CLSPN: variants seen among roughly 807,000 people sequenced by gnomAD.
CLSPN encodes the protein claspin, also known as claspin homolog.
Under a neutral mutation model 156.3 loss-of-function variants are expected in CLSPN, and 85 were observed. The ratio of observed to expected loss-of-function variants is 0.54; its 90% CI spans 0.46 to 0.65. The LOEUF (loss-of-function observed/expected upper bound fraction) is 0.65. Ranked by LOEUF, CLSPN falls within the 30% of genes least tolerant of loss-of-function variation. The pLI is 0.00. For missense variants in CLSPN, 1,407 were observed against 1,554.9 expected, an observed-to-expected ratio of 0.90 and a Z score of 1.60; for synonymous variants, 534 against 542.4, an observed-to-expected ratio of 0.98 and a Z score of 0.22.
intron 24 of CLSPN, 64 bp downstream of exon 24, chr1:35,736,850 A>T: frequency 6.5e-7 from 1 of 1,544,856 alleles, no homozygotes; most frequent in South Asian, 1.2e-5. Flanking sequence ...TTTTGTTTTT[A>T]AATTTAAATA....
intron 12 of CLSPN, 58 bp from the exon 13 acceptor site, chr1:35,748,662 T>C: frequency 6.9e-7 from 1 of 1,450,050 alleles, no homozygotes; most frequent in African/African-American, 1.4e-5. Context: ...TGGATTTGTT[T>C]AGGAAAAAGA....
At chr1:35,741,412 G>T (rs756155855) in intron 18 of CLSPN, among the ~76,000 whole-genome samples, 1 of 152,028 alleles carries the variant, frequency 6.6e-6, no homozygotes, top group Non-Finnish European at 1.5e-5. Context: ...TCCACCTCCC[G>T]GTTCAAGCGA....
At chr1:35,758,888 C>T (rs1468896399) in intron 8 of CLSPN, among the ~76,000 whole-genome samples, 4 of 151,068 alleles carry the variant, frequency 2.6e-5, no homozygotes, top group Non-Finnish European at 4.4e-5. Flanking sequence ...TGTGCCTCAG[C>T]CTCCCGAGTA....
intron 1 of CLSPN, among the ~76,000 whole-genome samples, chr1:35,765,824 T>C (rs1642652174): frequency 6.6e-6 from 1 of 152,120 alleles, no homozygotes; most frequent in South Asian, 2.1e-4. Context: ...AGCCATAAAG[T>C]ATTCCTGACA....
intron 1 of CLSPN, among the ~76,000 whole-genome samples, chr1:35,766,311 T>C (rs900521604): frequency 2.0e-5 from 3 of 150,120 alleles, no homozygotes; most frequent in East Asian, 2.0e-4. Flanking sequence ...TTTAACAATA[T>C]ATTGCAAAGA....
downstream of CLSPN, among the ~76,000 whole-genome samples, chr1:35,727,281 C>G (rs749660493): frequency 5.8e-4 from 89 of 152,302 alleles, no homozygotes; most frequent in Non-Finnish European, 1.1e-3. Flanking sequence ...ACAAGACAAG[C>G]CAGTGACAGC....
At chr1:35,739,712 C>T (rs558939451) in intron 18 of CLSPN, among the ~76,000 whole-genome samples, 183 bp from the exon 19 acceptor site, 2 of 152,232 alleles carry the variant, frequency 1.3e-5, no homozygotes, top group Admixed American at 6.5e-5. Flanking sequence ...TTCAACTTTA[C>T]GATGACATGA....
chr1:35,738,110 AAAAATATATATAT>A lies in CLSPN; in HGVS notation c.3559-26_3559-14del. The A allele has an allele frequency of 1.0e-5, 6 of 593,468 alleles. No individual in the cohort carries two copies. The highest frequency in any genetic ancestry group is 9.4e-5 in the East Asian group (2 of 21,170). The allele number at this position is 593,468 out of a possible 1,614,324, so 36.8% of individuals were successfully genotyped here. ...TCCCCTGCTGTGCCTGAAAAAAAAA[AAAAATATATATAT>A]ATATATATATATATATACAGCATTA... On this transcript the variant is annotated splice_polypyrimidine_tract_variant and intron_variant, in intron 21 of 24. Coordinates refer to ENST00000318121, the MANE Select transcript of CLSPN (RefSeq NM_022111.4).
intron 1 of CLSPN, among the ~76,000 whole-genome samples, chr1:35,768,801 G>A (rs1034075011): frequency 6.6e-6 from 1 of 152,142 alleles, no homozygotes; most frequent in African/African-American, 2.4e-5. Flanking sequence ...GACAGCTCAA[G>A]GAATAGGGCT....
At chr1:35,742,788 C>CCA (rs1641739513) in intron 18 of CLSPN, among the ~76,000 whole-genome samples, 1 of 150,670 alleles carries the variant, frequency 6.6e-6, no homozygotes, top group Admixed American at 6.6e-5. Flanking sequence ...GCTCTGTCAC[C>CCA]CAGGCTGAAA....
intron 24 of CLSPN, among the ~76,000 whole-genome samples, chr1:35,721,534 C>G (rs574279784): frequency 4.4e-4 from 67 of 152,154 alleles, no homozygotes; most frequent in Non-Finnish European, 2.9e-5. Context: ...GTTACAGGCG[C>G]GTGCCACCAC....
At position 35,761,101 on chromosome 1, in the gene CLSPN, T is replaced by G. The variant is rs759526461; in HGVS notation, c.999A>C (p.Leu333=). Residue 333 remains leucine, a synonymous_variant, in exon 7 of 25, where the codon CTA becomes CTC. Coordinates refer to ENST00000318121, the MANE Select transcript of CLSPN (RefSeq NM_022111.4). The part of the protein sequence containing the change: ...RPTCHGNAMA[L]LKSSKYQSSH... ...TAAGGAAAGAGGGTTCTTACTTCAA[T>G]AGTGCCATGGCATTTCCGTGGCAAG... is the stretch of plus-strand genomic sequence containing the variant. 5.1e-5 allele frequency: 81 copies of G among 1,596,666 alleles called. No individual in the cohort carries two copies. Among genetic ancestry groups the G allele is most frequent in the Non-Finnish European group, 6.7e-5 (78 of 1,164,298 alleles).
rs1641873487 is a variant in CLSPN at position 35,746,132 on chromosome 1, G to C, written c.2855-570C>G. Among the ~76,000 whole-genome samples the C allele has an allele frequency of 6.6e-6, 1 of 151,906 alleles. No individual in the cohort carries two copies. The highest frequency in any genetic ancestry group is 1.5e-5 in the Non-Finnish European group (1 of 67,986). On this transcript the variant is annotated intron_variant, in intron 15 of 24. Transcript: ENST00000318121. The surrounding 1 kb of genome is among the most constrained non-coding windows in gnomAD (Gnocchi z 4.2). The stretch of plus-strand genomic sequence containing the variant: ...AGATAATTTTTTGTATTTTAGTAGA[G>C]ACGGGGTTTCACCGTGCTGCCCAGG...
chr1:35,749,509 A>G lies in CLSPN; in HGVS notation c.2230T>C (p.Ser744Pro), dbSNP rs753369867. The change falls in exon 12 of 25, where the codon TCA becomes CCA. Residue 744 changes from serine to proline, a missense_variant. Physicochemically the swap from Ser to Pro is moderately conservative, Grantham distance 74. Coordinates refer to ENST00000318121, the MANE Select transcript of CLSPN (RefSeq NM_022111.4). ...KMGYFPTEEKSETDENSGKQP... is the reference protein window; with the variant it reads ...KMGYFPTEEKPETDENSGKQP... Reference sequence around the variant, plus strand: ...TTGCCTGAGTTTTCATCTGTTTCTGATTTTTCTTCAGTAGGAAAGTAACTG... The same window carrying G: ...TTGCCTGAGTTTTCATCTGTTTCTGGTTTTTCTTCAGTAGGAAAGTAACTG... The G allele has an allele frequency of 4.4e-5, 71 of 1,613,926 alleles. No individual in the cohort carries two copies. In the Admixed American group the frequency reaches 4.5e-4, roughly 10 times the overall value.
chr1:35,769,748 G>A (rs113395287), intron 1 of CLSPN, 99 bp downstream of exon 1: 4 of 1,214,440 alleles, frequency 3.3e-6, no homozygotes, highest in Non-Finnish European at 4.4e-6. Context: ...CAGTCCTCCC[G>A]CCCGGGCGCC....
At chr1:35,750,725 G>A (rs1015093274) in intron 10 of CLSPN, among the ~76,000 whole-genome samples, 6 of 151,892 alleles carry the variant, frequency 4.0e-5, no homozygotes, top group African/African-American at 1.5e-4. Flanking sequence ...CTTAACAATC[G>A]TATCATCACC....
chr1:35,753,865 C>G lies in CLSPN; in HGVS notation c.1651G>C (p.Val551Leu), dbSNP rs920840363. 6.2e-7 allele frequency: 1 copy of G among 1,614,242 alleles called. No homozygotes were observed. The highest frequency in any genetic ancestry group is 1.7e-5 in the Admixed American group (1 of 60,024). ...PAAKPRAGQT[V>L]NVNVIVKDMG... ...TCTTTCACTATGACGTTCACATTCA[C>G]TGTCTGACCAGCCCTGGGTTTGGCT... Residue 551 changes from valine to leucine, a missense_variant, in exon 9 of 25, where the codon GTG becomes CTG. Physicochemically the swap from Val to Leu is conservative, Grantham distance 32. Coordinates refer to ENST00000318121, the MANE Select transcript of CLSPN (RefSeq NM_022111.4).
intron 16 of CLSPN, among the ~76,000 whole-genome samples, chr1:35,744,848 T>C (rs754243566): frequency 5.9e-5 from 9 of 152,188 alleles, no homozygotes; most frequent in Non-Finnish European, 1.3e-4. Context: ...AGTTTTGTTC[T>C]TGTTGCCCAG....
intron 18 of CLSPN, 99 bp downstream of exon 18, chr1:35,743,042 C>T: frequency 2.3e-6 from 2 of 869,264 alleles, no homozygotes; most frequent in South Asian, 1.5e-5. Flanking sequence ...CTGCTTCAGC[C>T]TCCCAAAATG....
Sources: gnomAD v4.1 joint callset for allele counts (sites outside exome capture counted in the v4.1 genomes callset) on GRCh38, gnomAD v4.1.1 for gene constraint, Gnocchi (gnomAD v3.1) non-coding constraint, MANE v1.5 for transcripts, NCBI Gene and HGNC (gene_info 2026-07-23, HGNC 2026-07-21) for gene names.